The following HDAC4 variants were observed in gnomAD, a reference collection of about 807,000 sequenced individuals.
The protein encoded by HDAC4 is histone deacetylase 4.
HDAC4 carries 16 observed loss-of-function variants against 135.1 expected under a neutral mutation model. The observed-to-expected ratio is 0.12, with a 90% CI of 0.08 to 0.18. The LOEUF is 0.18. Among genes scored for constraint, HDAC4 ranks in the 10% least tolerant of loss-of-function variants. HDAC4 has a pLI of 1.00. For synonymous variants in HDAC4, 685 were observed against 653.4 expected (o/e 1.05, Z -0.74); for missense variants, 1,143 against 1,511.8 (o/e 0.76, Z 4.05).
chr2:239,399,106 G>C (rs947983486), intron 1 of HDAC4, among the ~76,000 whole-genome samples: 4 of 152,196 alleles, frequency 2.6e-5, no homozygotes, highest in African/African-American at 7.2e-5. Flanking sequence ...ACAGATCCCA[G>C]AGAGTAGAAT....
In HDAC4 at chr2:239,054,797, G is replaced by GTCTT; in HGVS notation, c.3036_3039dup (p.Pro1014LysfsTer68). On this transcript the variant is annotated frameshift_variant, in exon 25 of 27. Transcript: ENST00000543185. LOFTEE classifies it high-confidence loss of function. Reference sequence around the variant, plus strand: ...ATGGAACGGACAGCGTTTGCATTGGGTCTTTGCTGTAAAACCTTTTCTGGG... The same window carrying GTCTT: ...ATGGAACGGACAGCGTTTGCATTGGGTCTTTCTTTGCTGTAAAACCTTTTCTGGG... 6.2e-7 allele frequency: 1 copy of GTCTT among 1,613,456 alleles called. No homozygotes were observed. Among genetic ancestry groups the GTCTT allele is most frequent in the Non-Finnish European group, 8.5e-7 (1 of 1,179,444 alleles).
intron 1 of HDAC4, among the ~76,000 whole-genome samples, chr2:239,357,888 CAAAAAAAAAAAAAAA>C (rs71043188): frequency 0.23 from 12,802 of 56,844 alleles, 932 homozygotes; most frequent in Middle Eastern, 0.31. Flanking sequence ...GCCTCTGTTC[CAAAAAAAAAAAAAAA>C]AAAAAAAAAA....
chr2:239,343,148 G>A (rs981292728), intron 2 of HDAC4, among the ~76,000 whole-genome samples: 1 of 152,232 alleles, frequency 6.6e-6, no homozygotes. Flanking sequence ...ATTCAAAAAA[G>A]TTTAGGTATA....
intron 11 of HDAC4, among the ~76,000 whole-genome samples, chr2:239,131,782 C>T (rs576228198): frequency 1.1e-3 from 162 of 152,324 alleles, no homozygotes; most frequent in Non-Finnish European, 2.0e-3. Context: ...AGCCGTGGGC[C>T]GTGCACTGGA....
At chr2:239,099,477 A>G (rs1269016330) in intron 16 of HDAC4, among the ~76,000 whole-genome samples, 1 of 152,160 alleles carries the variant, frequency 6.6e-6, no homozygotes, top group African/African-American at 2.4e-5. Context: ...AGCCCCTCCC[A>G]TGCTGGAGAA....
intron 17 of HDAC4, chr2:239,094,456 G>T (rs1039179070): frequency 4.1e-6 from 4 of 985,660 alleles, no homozygotes; most frequent in Non-Finnish European, 4.8e-6. Context: ...CCCAGGCCAG[G>T]TCCATATCAT....
At chr2:239,120,257 C>T (rs2039520507) in intron 12 of HDAC4, among the ~76,000 whole-genome samples, 1 of 152,152 alleles carries the variant, frequency 6.6e-6, no homozygotes, top group Non-Finnish European at 1.5e-5. Flanking sequence ...AGGAGCTACG[C>T]AGAGCTGGGG....
chr2:239,087,910 G>C (rs994122373), intron 18 of HDAC4, among the ~76,000 whole-genome samples: 2 of 152,174 alleles, frequency 1.3e-5, no homozygotes, highest in Non-Finnish European at 2.9e-5. Flanking sequence ...GAGGCGTGGT[G>C]CCCTTGGCTC....
In HDAC4 at chr2:239,126,689, A is replaced by C; in HGVS notation, c.1300T>G (p.Tyr434Asp). The change falls in exon 12 of 27, where the codon TAT becomes GAT. Residue 434 changes from tyrosine (Y) to aspartate (D), a missense_variant. This residue lies in a region of HDAC4 where 272 missense variants were observed against 309.7 expected (regional missense o/e 0.88). Transcript: ENST00000543185. ...PAQAPLVTDW[Y>D]LSGLGALPLH... Reference sequence around the variant, plus strand: ...GGCAGTGCTCCCAGGCCTGAAAGATACCAGTCTGAAGATAATTGGAGGAAG... The same window carrying C: ...GGCAGTGCTCCCAGGCCTGAAAGATCCCAGTCTGAAGATAATTGGAGGAAG... 6.2e-7 allele frequency: 1 copy of C among 1,613,646 alleles called. No homozygotes were observed. The highest frequency in any genetic ancestry group is 8.5e-7 in the Non-Finnish European group (1 of 1,179,908).
chr2:239,118,483 G>A (rs1055877182), intron 12 of HDAC4, among the ~76,000 whole-genome samples: 1 of 152,170 alleles, frequency 6.6e-6, no homozygotes, highest in African/African-American at 2.4e-5. Flanking sequence ...AGAGTGCAGC[G>A]GTGGGTGGCC....
intron 5 of HDAC4, among the ~76,000 whole-genome samples, chr2:239,166,249 G>A (rs2043116465): frequency 6.6e-6 from 1 of 152,180 alleles, no homozygotes; most frequent in Non-Finnish European, 1.5e-5. Flanking sequence ...CCAGGCTGTG[G>A]TGGGGCCTGC....
At chr2:239,158,487 G>A (rs2042563549) in intron 6 of HDAC4, among the ~76,000 whole-genome samples, 3 of 152,174 alleles carry the variant, frequency 2.0e-5, no homozygotes, top group African/African-American at 4.8e-5. Context: ...TCTAACAGAC[G>A]TTCTCTTACT....
Position 239,134,378 on chromosome 2 carries a change from A to G in HDAC4, c.1161T>C (p.Leu387=). The change falls in exon 11 of 27, where the codon CTT becomes CTC. Residue 387 remains leucine, a synonymous_variant. Coordinates refer to ENST00000543185, the MANE Select transcript of HDAC4 (RefSeq NM_001378414.1). ...AGGGAGTGAGGTGGGTGCCGGGGAAAAGGGAGAGCCTCTGCTGGAGGGCGG... is the reference window on the plus strand; with the variant it reads ...AGGGAGTGAGGTGGGTGCCGGGGAAGAGGGAGAGCCTCTGCTGGAGGGCGG... ...TLPALQQRLS[L]FPGTHLTPYL... is the part of the protein sequence containing the mutation. The G allele has an allele frequency of 1.2e-6, 2 of 1,613,800 alleles. No homozygotes were observed. The highest frequency in any genetic ancestry group is 1.7e-6 in the Non-Finnish European group (2 of 1,179,938).
At chr2:239,305,935 C>T (rs1020278846) in intron 2 of HDAC4, among the ~76,000 whole-genome samples, 1 of 152,212 alleles carries the variant, frequency 6.6e-6, no homozygotes, top group Non-Finnish European at 1.5e-5. Flanking sequence ...ACGGAGGAAC[C>T]GTGACAAAGA....
chr2:239,084,349 C>T, intron 19 of HDAC4, 107 bp from the exon 20 acceptor site: 1 of 759,980 alleles, frequency 1.3e-6, no homozygotes, highest in Non-Finnish European at 2.3e-6. Flanking sequence ...TAAGAGGTCT[C>T]TGTGAGTGCA....
At chr2:239,391,893 G>A (rs1347794235) in intron 1 of HDAC4, among the ~76,000 whole-genome samples, 2 of 122,654 alleles carry the variant, frequency 1.6e-5, no homozygotes, top group African/African-American at 5.5e-5. Flanking sequence ...TCTGAAAACA[G>A]AACTTCGTCA....
intron 2 of HDAC4, among the ~76,000 whole-genome samples, chr2:239,274,822 T>G (rs1165120375): frequency 6.6e-6 from 1 of 152,232 alleles, no homozygotes; most frequent in Non-Finnish European, 1.5e-5. Context: ...AGGCCTGGCC[T>G]GGCCCCCACG....
intron 2 of HDAC4, among the ~76,000 whole-genome samples, chr2:239,327,745 C>T (rs1030454550): frequency 2.6e-5 from 4 of 152,246 alleles, no homozygotes; most frequent in African/African-American, 9.6e-5. Context: ...CCAAAGCGTG[C>T]CTGTGCCCTG....
At chr2:239,369,070 G>A (rs1428018553) in intron 1 of HDAC4, among the ~76,000 whole-genome samples, 1 of 152,160 alleles carries the variant, frequency 6.6e-6, no homozygotes, top group African/African-American at 2.4e-5. Flanking sequence ...TGCACACACA[G>A]GCAGTGGACA....
Sources: allele counts gnomAD v4.1 joint callset (sites outside exome capture counted in the v4.1 genomes callset), GRCh38; gene constraint gnomAD v4.1.1; regional missense constraint gnomAD v4.1.1; transcripts MANE v1.5; gene names NCBI Gene and HGNC (gene_info 2026-07-23, HGNC 2026-07-21).